PCDHGA11: variants seen among roughly 807,000 people sequenced by gnomAD.
PCDHGA11 encodes the protein protocadherin gamma subfamily A, 11, also known as protocadherin gamma-A11.
Under a neutral mutation model 60.4 loss-of-function variants are expected in PCDHGA11, and 39 were observed. The ratio of observed to expected loss-of-function variants is 0.65; its 90% CI spans 0.50 to 0.84. The LOEUF is 0.84. Among genes scored for constraint, PCDHGA11 ranks in the 40% least tolerant of loss-of-function variants. The pLI, the probability that PCDHGA11 is intolerant of heterozygous loss-of-function variation, is 0.00. For synonymous variants in PCDHGA11, 533 were observed against 510.3 expected, an observed-to-expected ratio of 1.04 and a Z score of -0.60; for missense variants, 1,165 against 1,197.7, an observed-to-expected ratio of 0.97 and a Z score of 0.40.
At chr5:141,427,444 G>T (rs1184893966) in intron 1 of PCDHGA11, 1 of 482,228 alleles carries the variant, frequency 2.1e-6, no homozygotes, top group South Asian at 1.5e-5. Flanking sequence ...ATAAACGAAA[G>T]AGTTCCTTTT....
intron 1 of PCDHGA11, among the ~76,000 whole-genome samples, chr5:141,492,095 CT>C (rs1047956109): frequency 6.6e-6 from 1 of 152,232 alleles, no homozygotes; most frequent in African/African-American, 2.4e-5. Context: ...CTTCGCCGGT[CT>C]GTAGATTTCC....
At chr5:141,430,021 T>C (rs2097257368) in intron 1 of PCDHGA11, among the ~76,000 whole-genome samples, 1 of 152,226 alleles carries the variant, frequency 6.6e-6, no homozygotes, top group Admixed American at 6.5e-5. Context: ...TGGGTTCTTG[T>C]TAAGTGTGAT....
In PCDHGA11 at chr5:141,464,280, A is replaced by C. The variant is rs934753450; in HGVS notation, c.2434-30527A>C. Among the ~76,000 whole-genome samples, 148 of 75,930 alleles carry C rather than the reference A, an allele frequency of 1.9e-3. 1 individual carries two copies. Among genetic ancestry groups the C allele is most frequent in the African/African-American group, 0.011 (146 of 12,968 alleles). 49.8% of individuals were successfully genotyped at this position (75,930 alleles called of 152,430 possible). Reference sequence around the variant, plus strand: ...ACTCCGTCTAAAAAAAAAAAAAAGCAAAAAAAAAAACTCCATTGTATGTGC... The same window carrying C: ...ACTCCGTCTAAAAAAAAAAAAAAGCCAAAAAAAAAACTCCATTGTATGTGC... On this transcript the variant is annotated intron_variant, in intron 1 of 3. Transcript: ENST00000398587.
Position 141,485,790 on chromosome 5 carries a change from C to G in PCDHGA11, c.2434-9017C>G. 6.2e-7 allele frequency: 1 copy of G among 1,614,204 alleles called. No homozygotes were observed. The highest frequency in any genetic ancestry group is 8.5e-7 in the Non-Finnish European group (1 of 1,180,032). ...AAGCCTTTGGATCGAGAGAAGCAAT[C>G]GGACTACCGCCTGGTGCTGACTGCT... On this transcript the variant is annotated intron_variant, in intron 1 of 3. Transcript: ENST00000398587. This position sits in a 1 kb window ranked among gnomAD's most constrained non-coding sequence, Gnocchi z 5.7.
chr5:141,485,500 C>T lies in PCDHGA11; in HGVS notation c.2434-9307C>T. 1 of 1,614,142 alleles carries T rather than the reference C, an allele frequency of 6.2e-7. No homozygotes were observed. The highest frequency in any genetic ancestry group is 8.5e-7 in the Non-Finnish European group (1 of 1,180,038). ...GCTGCATCGTGCCCCTGGAGTTTGT[C>T]ACCGAAGGTCCTTTGGAAATGTACC... On this transcript the variant is annotated intron_variant, in intron 1 of 3. Coordinates refer to ENST00000398587, the MANE Select transcript of PCDHGA11 (RefSeq NM_018914.3). The surrounding 1 kb of genome is among the most constrained non-coding windows in gnomAD (Gnocchi z 5.7).
At chr5:141,499,707 T>G (rs1303008532) in intron 2 of PCDHGA11, among the ~76,000 whole-genome samples, 2 of 150,494 alleles carry the variant, frequency 1.3e-5, no homozygotes, top group African/African-American at 2.5e-5. Flanking sequence ...TTTTTTTTTT[T>G]TTTTGGAGAC....
At position 141,490,276 on chromosome 5, in the gene PCDHGA11, A is replaced by T; in HGVS notation, c.2434-4531A>T. 1 of 1,614,236 alleles carries T rather than the reference A, an allele frequency of 6.2e-7. No individual in the cohort carries two copies. Among genetic ancestry groups the T allele is most frequent in the Non-Finnish European group, 8.5e-7 (1 of 1,180,036 alleles). On this transcript the variant is annotated intron_variant, in intron 1 of 3. Transcript: ENST00000398587. This position sits in a 1 kb window ranked among gnomAD's most constrained non-coding sequence, Gnocchi z 5.4. ...AGTGGATGTGGGGGATGTCAATGACAATGCCCCAGAGGTGCTATTGGCCTC... is the reference window on the plus strand; with the variant it reads ...AGTGGATGTGGGGGATGTCAATGACTATGCCCCAGAGGTGCTATTGGCCTC...
At position 141,511,211 on chromosome 5, in the gene PCDHGA11, C is replaced by G; in HGVS notation, c.*38C>G. ...GCCAAGAGCCACAGGGCGGCCTCTC[C>G]CCAACCAGCCCAGCTTCTCCTTACC... On this transcript the variant is annotated 3_prime_UTR_variant, in exon 4 of 4. Transcript: ENST00000398587. The G allele has an allele frequency of 6.2e-7, 1 of 1,608,626 alleles. No individual in the cohort carries two copies. The highest frequency in any genetic ancestry group is 8.5e-7 in the Non-Finnish European group (1 of 1,177,476).
chr5:141,472,533 C>A (rs1200612581), intron 1 of PCDHGA11, among the ~76,000 whole-genome samples: 3 of 150,970 alleles, frequency 2.0e-5, no homozygotes, highest in African/African-American at 7.3e-5. Flanking sequence ...GAGTGAGACA[C>A]CATCTCAAGA....
At position 141,486,709 on chromosome 5, in the gene PCDHGA11, C is replaced by T; in HGVS notation, c.2434-8098C>T. 6.2e-7 allele frequency: 1 copy of T among 1,614,182 alleles called. No individual in the cohort carries two copies. ...CTTCCTCTTTCATCTCTCTGAACCC[C>T]CAGACAGGAGCTGTTCATGCTACTC... On this transcript the variant is annotated intron_variant, in intron 1 of 3. Coordinates refer to ENST00000398587, the MANE Select transcript of PCDHGA11 (RefSeq NM_018914.3). This position sits in a 1 kb window ranked among gnomAD's most constrained non-coding sequence, Gnocchi z 5.0.
intron 1 of PCDHGA11, among the ~76,000 whole-genome samples, chr5:141,457,904 T>C (rs960822555): frequency 6.0e-5 from 9 of 150,288 alleles, no homozygotes; most frequent in African/African-American, 2.2e-4. Context: ...GTAGACAAGG[T>C]GTGAGGCCAG....
intron 1 of PCDHGA11, among the ~76,000 whole-genome samples, chr5:141,459,307 A>G (rs1175102009): frequency 6.6e-6 from 1 of 152,198 alleles, no homozygotes; most frequent in Non-Finnish European, 1.5e-5. Context: ...AACATATACT[A>G]TTTTGTATCC....
chr5:141,421,926 C>T lies in PCDHGA11; in HGVS notation c.699C>T (p.Val233=). ...RKGAVPIRVV[V]LDVNDHIPMF... Reference sequence around the variant, plus strand: ...GCGCAGTTCCCATTCGTGTGGTGGTCCTCGATGTAAATGATCACATCCCAA... The same window carrying T: ...GCGCAGTTCCCATTCGTGTGGTGGTTCTCGATGTAAATGATCACATCCCAA... The change falls in exon 1 of 4, where the codon GTC becomes GTT. Residue 233 remains valine (V), a synonymous_variant. Coordinates refer to ENST00000398587, the MANE Select transcript of PCDHGA11 (RefSeq NM_018914.3). The T allele has an allele frequency of 6.2e-7, 1 of 1,613,460 alleles. No homozygotes were observed. Among genetic ancestry groups the T allele is most frequent in the Non-Finnish European group, 8.5e-7 (1 of 1,179,750 alleles).
chr5:141,453,888 C>T (rs1273180395), intron 1 of PCDHGA11, among the ~76,000 whole-genome samples: 2 of 152,198 alleles, frequency 1.3e-5, no homozygotes, highest in East Asian at 1.9e-4. Flanking sequence ...TGTGGCCAAT[C>T]ACATGACTTC....
At chr5:141,430,078 T>A (rs911861599) in intron 1 of PCDHGA11, among the ~76,000 whole-genome samples, 2 of 152,282 alleles carry the variant, frequency 1.3e-5, no homozygotes, top group Admixed American at 1.3e-4. Context: ...TTCCATAATA[T>A]CATGAAAATT....
chr5:141,436,193 A>G (rs2097801112), intron 1 of PCDHGA11, among the ~76,000 whole-genome samples: 1 of 152,156 alleles, frequency 6.6e-6, no homozygotes, highest in South Asian at 2.1e-4. Flanking sequence ...AAATAGAAAG[A>G]AAGACATAAT....
At chr5:141,478,279 G>A (rs2099443292) in intron 1 of PCDHGA11, 1 of 1,614,202 alleles carries the variant, frequency 6.2e-7, no homozygotes, top group Middle Eastern at 1.6e-4. Context: ...ACAAGTGGAA[G>A]CAGTCTAGAG....
chr5:141,495,122 C>T (rs1365586518), intron 2 of PCDHGA11, among the ~76,000 whole-genome samples: 2 of 152,282 alleles, frequency 1.3e-5, no homozygotes, highest in East Asian at 3.9e-4. Flanking sequence ...TTCCTATCCC[C>T]TGAGGGCACT....
Position 141,511,643 on chromosome 5 carries a change from C to T in PCDHGA11, c.*470C>T, listed in dbSNP as rs937995879. ...TGAAAAGTTGGAAGGGCATCATGACCTCTTGGCCTCTCCTTTGATTCTCAA... is the reference window on the plus strand; with the variant it reads ...TGAAAAGTTGGAAGGGCATCATGACTTCTTGGCCTCTCCTTTGATTCTCAA... On this transcript the variant is annotated 3_prime_UTR_variant, in exon 4 of 4. Coordinates refer to ENST00000398587, the MANE Select transcript of PCDHGA11 (RefSeq NM_018914.3). 4 of 218,904 alleles carry T rather than the reference C, an allele frequency of 1.8e-5. No homozygotes were observed. The highest frequency in any genetic ancestry group is 5.2e-5 in the Admixed American group (1 of 19,306). 13.6% of individuals were successfully genotyped at this position (218,904 alleles called of 1,614,324 possible). A position where few individuals can be genotyped will look rare whatever the true frequency, so the allele number is the denominator to read the frequency against.
Sources: allele counts gnomAD v4.1 joint callset (sites outside exome capture counted in the v4.1 genomes callset), GRCh38; gene constraint gnomAD v4.1.1; non-coding constraint Gnocchi (gnomAD v3.1); transcripts MANE v1.5; gene names NCBI Gene and HGNC (gene_info 2026-07-23, HGNC 2026-07-21).